The following PHKG1 variants were observed in gnomAD, a reference collection of about 807,000 sequenced individuals.
The protein encoded by PHKG1 is phosphorylase b kinase gamma catalytic chain, skeletal muscle/heart isoform.
In PHKG1, 48 loss-of-function variants were observed where a neutral mutation model predicts 50.5. The observed-to-expected ratio is 0.95, with a 90% confidence interval of 0.75 to 1.21. The LOEUF (loss-of-function observed/expected upper bound fraction) is 1.21, where lower values mean the gene tolerates loss of function less well. Among genes scored for constraint, PHKG1 ranks in the 50% most tolerant of loss-of-function variants. PHKG1 has a pLI of 0.00. For missense variants in PHKG1, 487 were observed against 519.5 expected, an observed-to-expected ratio of 0.94 and a Z score of 0.61; for synonymous variants, 204 against 212.8, an observed-to-expected ratio of 0.96 and a Z score of 0.36.
At chr7:56,087,465 G>A in intron 3 of PHKG1, 133 bp downstream of exon 3, 1 of 774,920 alleles carries the variant, frequency 1.3e-6, no homozygotes, top group Non-Finnish European at 2.1e-6. Flanking sequence ...TCAGAGCAGT[G>A]AGGGTGGAGC....
chr7:56,090,947 C>T (rs1675521448), intron 1 of PHKG1, among the ~76,000 whole-genome samples: 1 of 152,218 alleles, frequency 6.6e-6, no homozygotes, highest in Admixed American at 6.5e-5. Context: ...CGTGATGGCT[C>T]ACACCTGTCA....
intron 4 of PHKG1, among the ~76,000 whole-genome samples, chr7:56,085,188 C>T (rs1023776195): frequency 1.5e-4 from 23 of 151,538 alleles, no homozygotes; most frequent in Non-Finnish European, 2.4e-4. Flanking sequence ...CTCGAACTCC[C>T]GGCTTCATCT....
chr7:56,081,666 C>T lies in PHKG1; in HGVS notation c.882G>A (p.Glu294=). ...AHPFFQQYLV[E]EVRHFSPRGK... ...CCCGGGGGCTGAAGTGCCGCACTTC[C>T]TCCACCAAGTACTGCTGGAAGAAGG... is the stretch of plus-strand genomic sequence containing the variant. Residue 294 remains glutamate, a synonymous_variant, in exon 9 of 10, where the codon GAG becomes GAA. Transcript: ENST00000297373. The surrounding 1 kb of genome is among the most constrained non-coding windows in gnomAD (Gnocchi z 4.6). 1 of 1,613,716 alleles carries T rather than the reference C, an allele frequency of 6.2e-7. No individual in the cohort carries two copies. Among genetic ancestry groups the T allele is most frequent in the Non-Finnish European group, 8.5e-7 (1 of 1,179,842 alleles).
rs770661604 is a variant in PHKG1, at chr7:56,083,743, A to C, written c.318-28T>G. On this transcript the variant is annotated intron_variant, in intron 4 of 9. Coordinates refer to ENST00000297373, the MANE Select transcript of PHKG1 (RefSeq NM_006213.5). Reference sequence around the variant, plus strand: ...GTGGAAACAGAGGGTTGATAGCTGGATCGGTCCCAAGACCACCACTGCCCT... The same window carrying C: ...GTGGAAACAGAGGGTTGATAGCTGGCTCGGTCCCAAGACCACCACTGCCCT... 38 of 1,503,338 alleles carry C rather than the reference A, an allele frequency of 2.5e-5. No individual in the cohort carries two copies. In the Admixed American group the frequency reaches 7.3e-4, roughly 29 times the overall value. 93.1% of individuals were successfully genotyped at this position (1,503,338 alleles called of 1,614,324 possible).
Position 56,088,937 on chromosome 7 carries a change from G to C in PHKG1, c.5C>G (p.Thr2Ser). Residue 2 changes from threonine to serine, a missense_variant, in exon 2 of 10, where the codon ACC (threonine) becomes AGC (serine). Thr to Ser is a moderately conservative substitution (Grantham distance 58). Transcript: ENST00000297373. ...AGAGTCCGGCAGTGCCTCGTCCCGG[G>C]TCATGCTCAGATCTTCAGTGAGGGA... M[T>S]RDEALPDSHS... The C allele has an allele frequency of 1.9e-6, 3 of 1,611,666 alleles. No homozygotes were observed. Among genetic ancestry groups the C allele is most frequent in the Non-Finnish European group, 2.5e-6 (3 of 1,177,988 alleles).
At chr7:56,088,524 T>TAAAA (rs59230050) in intron 2 of PHKG1, 12 of 147,466 alleles carry the variant, frequency 8.1e-5, no homozygotes, top group South Asian at 3.9e-4. Context: ...GACCCTATCT[T>TAAAA]AAAAAAAAAA....
In PHKG1 at chr7:56,083,717, T is replaced by C. The variant is rs1291119806; in HGVS notation, c.318-2A>G. 1.9e-6 allele frequency: 3 copies of C among 1,571,226 alleles called. No individual in the cohort carries two copies. The highest frequency in any genetic ancestry group is 1.7e-4 in the Middle Eastern group (1 of 6,026). ...TCAAAGAGCTCCCCTCTCTTCATCCTGTGGAAACAGAGGGTTGATAGCTGG... is the reference window on the plus strand; with the variant it reads ...TCAAAGAGCTCCCCTCTCTTCATCCCGTGGAAACAGAGGGTTGATAGCTGG... On this transcript the variant is annotated splice_acceptor_variant, in intron 4 of 9. Transcript: ENST00000297373. LOFTEE classifies it high-confidence loss of function.
chr7:56,090,863 C>G (rs77285051), intron 1 of PHKG1, among the ~76,000 whole-genome samples: 2 of 152,280 alleles, frequency 1.3e-5, no homozygotes, highest in African/African-American at 2.4e-5. Flanking sequence ...TGAGCTACCC[C>G]GCTTTGTGTC....
chr7:56,081,393 A>G lies in PHKG1; in HGVS notation c.919-94T>C. On this transcript the variant is annotated intron_variant, in intron 9 of 9. Transcript: ENST00000297373. The surrounding 1 kb of genome is among the most constrained non-coding windows in gnomAD (Gnocchi z 4.6). ...GACGCTCTGGGCTCGTTTGCCACGA[A>G]GCCTTGGGTGGCTTCTGCGGGGCCT... The G allele has an allele frequency of 6.8e-7, 1 of 1,466,438 alleles. No individual in the cohort carries two copies. Among genetic ancestry groups the G allele is most frequent in the Non-Finnish European group, 9.1e-7 (1 of 1,102,474 alleles). The allele number at this position is 1,466,438 out of a possible 1,614,324, so 90.8% of individuals were successfully genotyped here. A position where few individuals can be genotyped will look rare whatever the true frequency, so the allele number is the denominator to read the frequency against.
At chr7:56,086,817 G>T in intron 4 of PHKG1, 153 bp downstream of exon 4, 2 of 645,860 alleles carry the variant, frequency 3.1e-6, no homozygotes, top group South Asian at 3.8e-5. Flanking sequence ...CCGGCAGCCT[G>T]ACCCCAGGGG....
intron 4 of PHKG1, chr7:56,084,005 A>G (rs1796142941): frequency 1.6e-6 from 1 of 618,304 alleles, no homozygotes; most frequent in Non-Finnish European, 2.8e-6. Flanking sequence ...TCCCCTGGAA[A>G]AATTTTTCCC....
chr7:56,080,928 A>C lies in PHKG1; in HGVS notation c.*126T>G, dbSNP rs1157185802. 4.4e-6 allele frequency: 5 copies of C among 1,147,976 alleles called. No homozygotes were observed. Among genetic ancestry groups the C allele is most frequent in the Non-Finnish European group, 6.1e-6 (5 of 819,944 alleles). The allele number at this position is 1,147,976 out of a possible 1,614,324, so 71.1% of individuals were successfully genotyped here. Reference sequence around the variant, plus strand: ...GAGAGGGGATCGTGGCCTCAGTTCCAGGGGTTCCTGGCCAGGGCCAAGTGC... The same window carrying C: ...GAGAGGGGATCGTGGCCTCAGTTCCCGGGGTTCCTGGCCAGGGCCAAGTGC... On this transcript the variant is annotated 3_prime_UTR_variant, in exon 10 of 10. Transcript: ENST00000297373.
Position 56,081,977 on chromosome 7 carries a change from C to T in PHKG1, c.708G>A (p.Met236Ile). 6.2e-7 allele frequency: 1 copy of T among 1,613,950 alleles called. No individual in the cohort carries two copies. Reference sequence around the variant, plus strand: ...CGCTCATGATCATCCTCAGCATCAGCATCTGCTTCCGGTGCCAGAAGGGCG... The same window carrying T: ...CGCTCATGATCATCCTCAGCATCAGTATCTGCTTCCGGTGCCAGAAGGGCG... Reference protein sequence around the residue: ...GSPPFWHRKQMLMLRMIMSGN... With the variant: ...GSPPFWHRKQILMLRMIMSGN... The change falls in exon 8 of 10, where the codon ATG becomes ATA. Residue 236 changes from methionine (M) to isoleucine (I), a missense_variant. Physicochemically the swap from Met to Ile is conservative, Grantham distance 10. Transcript: ENST00000297373. The surrounding 1 kb of genome is among the most constrained non-coding windows in gnomAD (Gnocchi z 4.6).
At chr7:56,092,048 G>A (rs1796510082) in intron 1 of PHKG1, among the ~76,000 whole-genome samples, 1 of 152,224 alleles carries the variant, frequency 6.6e-6, no homozygotes, top group Non-Finnish European at 1.5e-5. Flanking sequence ...AGTACACTTG[G>A]ACCCCCATAT....
At chr7:56,085,254 C>A (rs1382455122) in intron 4 of PHKG1, among the ~76,000 whole-genome samples, 1 of 151,990 alleles carries the variant, frequency 6.6e-6, no homozygotes, top group African/African-American at 2.4e-5. Flanking sequence ...AACCACCATG[C>A]CTGGCCTTAA....
chr7:56,083,402 C>T lies in PHKG1; in HGVS notation c.423G>A (p.Leu141=). 2 of 1,614,144 alleles carry T rather than the reference C, an allele frequency of 1.2e-6. No homozygotes were observed. The highest frequency in any genetic ancestry group is 2.2e-5 in the South Asian group (2 of 91,086). Residue 141 remains leucine (L), a synonymous_variant, in exon 6 of 10, where the codon TTG becomes TTA. Transcript: ENST00000297373. ...MRALLEVICT[L]HKLNIVHRDL... is the part of the protein sequence containing the mutation. ...CCCGGTGCACGATGTTGAGTTTGTG[C>T]AAGGTGCAGATCACCTCCAGCAGAG...
Position 56,081,299 on chromosome 7 carries a change from C to T in PHKG1, c.919G>A (p.Val307Met), listed in dbSNP as rs2117530664. The change falls in exon 10 of 10, where the codon GTG becomes ATG. Residue 307 changes from valine (V) to methionine (M), a missense_variant and splice_region_variant. Val to Met is a conservative substitution (Grantham distance 21). Coordinates refer to ENST00000297373, the MANE Select transcript of PHKG1 (RefSeq NM_006213.5). This position sits in a 1 kb window ranked among gnomAD's most constrained non-coding sequence, Gnocchi z 4.6. ...GAAGCCAGCACGGTCAGAGCGATCA[C>T]CTGCAGGGCCAGGCGGAGAAGCTGG... Reference protein sequence around the residue: ...RHFSPRGKFKVIALTVLASVR... With the variant: ...RHFSPRGKFKMIALTVLASVR... 6.2e-7 allele frequency: 1 copy of T among 1,606,176 alleles called. No individual in the cohort carries two copies. The highest frequency in any genetic ancestry group is 8.5e-7 in the Non-Finnish European group (1 of 1,178,990).
intron 1 of PHKG1, among the ~76,000 whole-genome samples, chr7:56,091,442 G>A (rs1329733981): frequency 1.6e-4 from 24 of 151,880 alleles, no homozygotes; most frequent in African/African-American, 5.3e-4. Flanking sequence ...GTGTGAACCC[G>A]GGAGGTGGAG....
intron 3 of PHKG1, 130 bp downstream of exon 3, chr7:56,087,468 G>T: frequency 1.3e-6 from 1 of 789,232 alleles, no homozygotes; most frequent in Non-Finnish European, 2.1e-6. Context: ...GAGCAGTGAG[G>T]GTGGAGCTGG....
Sources: gnomAD v4.1 joint callset for allele counts (sites outside exome capture counted in the v4.1 genomes callset) on GRCh38, gnomAD v4.1.1 for gene constraint, Gnocchi (gnomAD v3.1) non-coding constraint, MANE v1.5 for transcripts, NCBI Gene and HGNC (gene_info 2026-07-23, HGNC 2026-07-21) for gene names.